The following ATRNL1 variants were observed in gnomAD, a reference collection of about 807,000 sequenced individuals.
ATRNL1 encodes the protein attractin like 1.
In ATRNL1, 95 loss-of-function variants were observed where a neutral mutation model predicts 182.7. The observed-to-expected ratio is 0.52, with a 90% CI of 0.44 to 0.62. The LOEUF (loss-of-function observed/expected upper bound fraction) is 0.62, where lower values mean the gene tolerates loss of function less well. Ranked by LOEUF, ATRNL1 falls within the 20% of genes least tolerant of loss-of-function variation. ATRNL1 has a pLI of 0.00. For synonymous variants in ATRNL1, 576 were observed against 568.3 expected (o/e 1.01, Z -0.19); for missense variants, 1,471 against 1,679.5 (o/e 0.88, Z 2.17).
At chr10:115,207,967 A>G (rs1554894162) in intron 8 of ATRNL1, among the ~76,000 whole-genome samples, 1 of 151,502 alleles carries the variant, frequency 6.6e-6, no homozygotes, top group East Asian at 1.9e-4. Context: ...CATATCTCAA[A>G]CTCTTATCAC....
intron 24 of ATRNL1, among the ~76,000 whole-genome samples, chr10:115,480,707 G>A (rs1472451825): frequency 6.6e-6 from 1 of 151,026 alleles, no homozygotes; most frequent in Non-Finnish European, 1.5e-5. Flanking sequence ...TCACAAGGAA[G>A]ATATATTACA....
chr10:115,555,123 T>G (rs1054633608), intron 26 of ATRNL1, among the ~76,000 whole-genome samples: 16 of 151,890 alleles, frequency 1.1e-4, no homozygotes, highest in African/African-American at 3.9e-4. Context: ...CTGGCAACCC[T>G]ATTTTCAACA....
In ATRNL1 at chr10:115,102,100, G is replaced by A. The variant is rs545772356; in HGVS notation, c.293+8057G>A. On this transcript the variant is annotated intron_variant, in intron 1 of 28. Transcript: ENST00000355044. ...TGTTTTTACCACTTATTGAGAGAAGGGTATCTTCAGTTATAATTTTGTATT... is the reference window on the plus strand; with the variant it reads ...TGTTTTTACCACTTATTGAGAGAAGAGTATCTTCAGTTATAATTTTGTATT... 4.7e-4 allele frequency among the ~76,000 whole-genome samples: 72 copies of A among 152,048 alleles called. 1 individual carries two copies. In the Middle Eastern group the frequency reaches 0.01, roughly 22 times the overall value.
chr10:115,323,883 T>G (rs1339471320), intron 18 of ATRNL1, among the ~76,000 whole-genome samples: 1 of 152,086 alleles, frequency 6.6e-6, no homozygotes, highest in Non-Finnish European at 1.5e-5. Flanking sequence ...GTTCACGCCA[T>G]TCTCCTGCCT....
intron 21 of ATRNL1, among the ~76,000 whole-genome samples, chr10:115,441,612 T>C (rs961142319): frequency 2.7e-4 from 41 of 152,006 alleles, no homozygotes; most frequent in African/African-American, 9.9e-4. Flanking sequence ...TTTGATCACT[T>C]TTCTGAGCTG....
intron 24 of ATRNL1, among the ~76,000 whole-genome samples, chr10:115,514,719 T>C (rs1554983460): frequency 6.6e-6 from 1 of 151,940 alleles, no homozygotes; most frequent in African/African-American, 2.4e-5. Flanking sequence ...CTTTATATGT[T>C]AAAGAATGGC....
intron 28 of ATRNL1, among the ~76,000 whole-genome samples, chr10:115,852,928 A>T (rs1364159612): frequency 6.6e-6 from 1 of 152,168 alleles, no homozygotes; most frequent in African/African-American, 2.4e-5. Context: ...TAGGAAAAGA[A>T]ATTAAACTTG....
At chr10:115,099,047 G>A (rs1233032874) in intron 1 of ATRNL1, among the ~76,000 whole-genome samples, 5 of 152,122 alleles carry the variant, frequency 3.3e-5, no homozygotes, top group African/African-American at 4.8e-5. Flanking sequence ...TACCAATCAC[G>A]CTAGAAAGTT....
At chr10:115,578,094 G>T (rs537734402) in intron 26 of ATRNL1, among the ~76,000 whole-genome samples, 185 of 151,920 alleles carry the variant, frequency 1.2e-3, no homozygotes, top group African/African-American at 4.3e-3. Flanking sequence ...TGCTTCCCAA[G>T]AATAAATTTC....
intron 26 of ATRNL1, among the ~76,000 whole-genome samples, chr10:115,616,987 G>A (rs1192991072): frequency 6.6e-6 from 1 of 152,212 alleles, no homozygotes; most frequent in Non-Finnish European, 1.5e-5. Flanking sequence ...GCTGTGAGAA[G>A]AGGACCACCA....
intron 24 of ATRNL1, among the ~76,000 whole-genome samples, chr10:115,497,618 C>A (rs1849613272): frequency 6.6e-6 from 1 of 151,542 alleles, no homozygotes; most frequent in Non-Finnish European, 1.5e-5. Flanking sequence ...TGGTTCTAAT[C>A]AGCCATCTTG....
chr10:115,414,676 A>G (rs1374557972), intron 20 of ATRNL1, among the ~76,000 whole-genome samples: 1 of 151,898 alleles, frequency 6.6e-6, no homozygotes, highest in Non-Finnish European at 1.5e-5. Flanking sequence ...CATAAAAGTA[A>G]AGCTGTATGA....
intron 24 of ATRNL1, among the ~76,000 whole-genome samples, chr10:115,488,747 T>C (rs1444018464): frequency 6.6e-6 from 1 of 152,176 alleles, no homozygotes; most frequent in Admixed American, 6.5e-5. Flanking sequence ...TGATCTTAGT[T>C]ATTTCTTGTC....
chr10:115,122,139 A>T (rs927962762), intron 3 of ATRNL1, among the ~76,000 whole-genome samples: 1 of 151,892 alleles, frequency 6.6e-6, no homozygotes, highest in Non-Finnish European at 1.5e-5. Context: ...CTAGCTGACA[A>T]ATAAATAGAC....
chr10:115,889,283 A>G (rs59689177), intron 28 of ATRNL1, among the ~76,000 whole-genome samples: 10,400 of 151,886 alleles, frequency 0.068, 1,147 homozygotes, highest in African/African-American at 0.23. Context: ...GTGCTAACTA[A>G]ATTGATAAAC....
chr10:115,139,022 T>A (rs1285302854), intron 5 of ATRNL1, among the ~76,000 whole-genome samples: 1 of 152,140 alleles, frequency 6.6e-6, no homozygotes, highest in African/African-American at 2.4e-5. Flanking sequence ...TCCACAAATC[T>A]CTAGGGCAGG....
In ATRNL1 at chr10:115,134,589, T is replaced by C. The variant is rs1845415475; in HGVS notation, c.829+5054T>C. Reference sequence around the variant, plus strand: ...GTCCAGGACCAGACGGATTCACAGGTGAATTATACCAGAGGTACAAGGAGG... The same window carrying C: ...GTCCAGGACCAGACGGATTCACAGGCGAATTATACCAGAGGTACAAGGAGG... On this transcript the variant is annotated intron_variant, in intron 5 of 28. Coordinates refer to ENST00000355044, the MANE Select transcript of ATRNL1 (RefSeq NM_207303.4). 1.2e-4 allele frequency among the ~76,000 whole-genome samples: 18 copies of C among 152,180 alleles called. No individual in the cohort carries two copies. In the South Asian group the frequency reaches 3.5e-3, roughly 30 times the overall value.
chr10:115,371,962 A>G (rs1055789646), intron 19 of ATRNL1, among the ~76,000 whole-genome samples: 39 of 152,134 alleles, frequency 2.6e-4, no homozygotes, highest in African/African-American at 9.2e-4. Flanking sequence ...GAGATAGTGA[A>G]TAAGTCTCAC....
chr10:115,264,631 T>C lies in ATRNL1; in HGVS notation c.1688-562T>C, dbSNP rs190637874. On this transcript the variant is annotated intron_variant, in intron 10 of 28. Transcript: ENST00000355044. ...GTTTCTATATAGTTCATAGATTATT[T>C]ATGATTTTCATTTTTTATCTAGAAG... 2.9e-3 allele frequency among the ~76,000 whole-genome samples: 434 copies of C among 151,718 alleles called. 1 individual carries two copies. Among genetic ancestry groups the C allele is most frequent in the Middle Eastern group, 0.011 (3 of 284 alleles).
Sources: gnomAD v4.1 joint callset for allele counts (sites outside exome capture counted in the v4.1 genomes callset) on GRCh38, gnomAD v4.1.1 for gene constraint, MANE v1.5 for transcripts, NCBI Gene and HGNC (gene_info 2026-07-23, HGNC 2026-07-21) for gene names.